The following ASIC4 variants were observed in gnomAD, a reference collection of about 807,000 sequenced individuals.
ASIC4 encodes acid-sensing ion channel 4.
Under a neutral mutation model 53.4 loss-of-function variants are expected in ASIC4, and 28 were observed. The ratio of observed to expected loss-of-function variants is 0.52; its 90% CI spans 0.39 to 0.72. The LOEUF (loss-of-function observed/expected upper bound fraction) is 0.72, where lower values mean the gene tolerates loss of function less well. Ranked by LOEUF, ASIC4 falls within the 30% of genes least tolerant of loss-of-function variation. The pLI is 0.00. For missense variants in ASIC4, 649 were observed against 729.7 expected (o/e 0.89, Z 1.27); for synonymous variants, 289 against 301.4 (o/e 0.96, Z 0.43).
Position 219,514,742 on chromosome 2 carries a change from G to A in ASIC4, c.18G>A (p.Val6=), listed in dbSNP as rs1345755890. ...GGGGACAGATGCCGATCGAGATTGT[G>A]TGCAAAATCAAATTTGCTGAGGAGG... is the stretch of plus-strand genomic sequence containing the variant. MPIEI[V]CKIKFAEEDA... The change falls in exon 1 of 10, where the codon GTG becomes GTA. Residue 6 remains valine (V), a synonymous_variant. Transcript: ENST00000358078. 3.7e-6 allele frequency: 6 copies of A among 1,613,668 alleles called. No homozygotes were observed. Among genetic ancestry groups the A allele is most frequent in the Non-Finnish European group, 5.1e-6 (6 of 1,180,012 alleles).
At chr2:219,532,836 CAG>C in intron 4 of ASIC4, 45 bp from the exon 5 acceptor site, 2 of 1,563,138 alleles carry the variant, frequency 1.3e-6, no homozygotes, top group Non-Finnish European at 1.8e-6. Context: ...GTGTGGGGGA[CAG>C]GGGAAGTGAT....
intron 5 of ASIC4, among the ~76,000 whole-genome samples, chr2:219,534,886 T>C (rs1695102193): frequency 6.6e-6 from 1 of 152,034 alleles, no homozygotes; most frequent in Non-Finnish European, 1.5e-5. Context: ...CTCTGGTGGA[T>C]GGGCTGTGTT....
chr2:219,508,966 CAG>C, the ASIC4 span, among the ~76,000 whole-genome samples: 34 of 151,008 alleles, frequency 2.3e-4, no homozygotes, highest in African/African-American at 7.3e-4. Context: ...GATAGGGCGA[CAG>C]GGGAGGAGAG....
At chr2:219,523,828 T>A (rs1487112410) in intron 1 of ASIC4, among the ~76,000 whole-genome samples, 2 of 151,904 alleles carry the variant, frequency 1.3e-5, no homozygotes, top group African/African-American at 4.8e-5. Flanking sequence ...TAAGCACTTT[T>A]TTTTTTTTTT....
rs142045226 is a variant in ASIC4, at chr2:219,524,090, C to T, written c.583-7668C>T. On this transcript the variant is annotated intron_variant, in intron 1 of 9. Coordinates refer to ENST00000358078, the MANE Select transcript of ASIC4 (RefSeq NM_018674.6). ...CTCCTACCTTGGCCTCCTAAAGTGC[C>T]GGGATTACAAGTGTGAGCCACCGTG... Among the ~76,000 whole-genome samples the T allele has an allele frequency of 2.8e-3, 419 of 152,204 alleles. 4 individuals are homozygous for T. In the Middle Eastern group the frequency reaches 0.061, roughly 22 times the overall value.
intron 1 of ASIC4, among the ~76,000 whole-genome samples, chr2:219,522,927 G>A (rs949600578): frequency 2.0e-5 from 3 of 152,200 alleles, no homozygotes; most frequent in East Asian, 3.9e-4. Context: ...TGGATGCCTG[G>A]CCCGCGGGAG....
upstream of ASIC4, among the ~76,000 whole-genome samples, chr2:219,513,676 T>C (rs978688322): frequency 2.6e-5 from 4 of 152,166 alleles, no homozygotes; most frequent in Non-Finnish European, 5.9e-5. Context: ...AGCCTGGTTG[T>C]GGCAAGGGAT....
At chr2:219,525,285 C>G (rs1169289234) in intron 1 of ASIC4, among the ~76,000 whole-genome samples, 2 of 152,242 alleles carry the variant, frequency 1.3e-5, no homozygotes, top group African/African-American at 4.8e-5. Flanking sequence ...CATACTTCCT[C>G]TCTTTTGAGA....
At chr2:219,533,029 C>A in intron 5 of ASIC4, 90 bp downstream of exon 5, 2 of 1,362,980 alleles carry the variant, frequency 1.5e-6, no homozygotes, top group Non-Finnish European at 1.0e-6. Flanking sequence ...CCTCCCCTCC[C>A]AATCTCTTCC....
rs534776418 is a variant in ASIC4 at position 219,537,674 on chromosome 2, A to G, written c.1444A>G (p.Thr482Ala). 6.2e-7 allele frequency: 1 copy of G among 1,613,196 alleles called. No individual in the cohort carries two copies. The highest frequency in any genetic ancestry group is 1.3e-5 in the African/African-American group (1 of 74,706). ...RLKRVWRRPK[T>A]PLRTSTGGIS... ...GAAGCGGGTATGGAGGCGTCCCAAG[A>G]CCCCCCTGCGGACCTCCACTGGGGG... The change falls in exon 9 of 10, where the codon ACC (threonine) becomes GCC (alanine). Residue 482 changes from threonine to alanine, a missense_variant. Coordinates refer to ENST00000358078, the MANE Select transcript of ASIC4 (RefSeq NM_018674.6). The surrounding 1 kb of genome is among the most constrained non-coding windows in gnomAD (Gnocchi z 4.9).
At position 219,515,021 on chromosome 2, in the gene ASIC4, G is replaced by A; in HGVS notation, c.297G>A (p.Val99=). The A allele has an allele frequency of 1.2e-6, 2 of 1,613,500 alleles. No individual in the cohort carries two copies. The highest frequency in any genetic ancestry group is 8.5e-7 in the Non-Finnish European group (1 of 1,179,934). ...GCTACCTGACCCGGCCTCACCTGGT[G>A]GCAATGGACCCCGCTGCCCCAGCCC... ...ARGYLTRPHL[V]AMDPAAPAPV... Residue 99 remains valine, a synonymous_variant, in exon 1 of 10, where the codon GTG becomes GTA. Transcript: ENST00000358078.
At chr2:219,529,911 G>A (rs1408579835) in intron 1 of ASIC4, among the ~76,000 whole-genome samples, 1 of 151,978 alleles carries the variant, frequency 6.6e-6, no homozygotes, top group Non-Finnish European at 1.5e-5. Context: ...CTGCAGCAGG[G>A]TGGTCTACTT....
At chr2:219,535,023 C>T in intron 5 of ASIC4, 148 bp from the exon 6 acceptor site, 1 of 1,228,206 alleles carries the variant, frequency 8.1e-7, no homozygotes, top group South Asian at 1.5e-5. Context: ...AGCCAGTCCC[C>T]TCTAGGAAGC....
chr2:219,519,781 A>G (rs999364388), intron 1 of ASIC4, among the ~76,000 whole-genome samples: 3 of 152,092 alleles, frequency 2.0e-5, no homozygotes, highest in Non-Finnish European at 1.5e-5. Context: ...TGGGATTACA[A>G]CTGGGACCAC....
chr2:219,532,206 C>A, intron 3 of ASIC4, 78 bp downstream of exon 3: 2 of 1,601,516 alleles, frequency 1.2e-6, no homozygotes, highest in East Asian at 4.5e-5. Context: ...GCAAACCTGC[C>A]CTCTAGAAGC....
intron 1 of ASIC4, among the ~76,000 whole-genome samples, chr2:219,524,710 A>T (rs1399549903): frequency 6.6e-6 from 1 of 152,274 alleles, no homozygotes; most frequent in Non-Finnish European, 1.5e-5. Context: ...CAAGGCCCAG[A>T]TGTAAACTAG....
Position 219,537,426 on chromosome 2 carries a change from C to T in ASIC4, c.1401+105C>T. On this transcript the variant is annotated intron_variant, in intron 8 of 9. Coordinates refer to ENST00000358078, the MANE Select transcript of ASIC4 (RefSeq NM_018674.6). This position sits in a 1 kb window ranked among gnomAD's most constrained non-coding sequence, Gnocchi z 4.9. ...GCTGGCCTGGCTGGAAAGTCAGGTT[C>T]AGGGTTCTCTGCCAGGGTCCCCTGA... 7.4e-7 allele frequency: 1 copy of T among 1,354,526 alleles called. No homozygotes were observed. The highest frequency in any genetic ancestry group is 1.0e-6 in the Non-Finnish European group (1 of 976,656). 83.9% of individuals were successfully genotyped at this position (1,354,526 alleles called of 1,614,324 possible). A position where few individuals can be genotyped will look rare whatever the true frequency, so the allele number is the denominator to read the frequency against.
the ASIC4 span, among the ~76,000 whole-genome samples, chr2:219,508,967 AG>A: frequency 2.7e-5 from 4 of 150,596 alleles, no homozygotes; most frequent in Admixed American, 2.6e-4. Flanking sequence ...ATAGGGCGAC[AG>A]GGGAGGAGAG....
intron 1 of ASIC4, among the ~76,000 whole-genome samples, chr2:219,528,507 C>T (rs1480765025): frequency 1.3e-5 from 2 of 151,714 alleles, no homozygotes; most frequent in African/African-American, 4.9e-5. Flanking sequence ...GGATTACATG[C>T]GTGAGTCCTG....
Sources: gnomAD v4.1 joint callset for allele counts (sites outside exome capture counted in the v4.1 genomes callset) on GRCh38, gnomAD v4.1.1 for gene constraint, Gnocchi (gnomAD v3.1) non-coding constraint, MANE v1.5 for transcripts, NCBI Gene and HGNC (gene_info 2026-07-23, HGNC 2026-07-21) for gene names.